Variants in SATB2 observed in about 807,000 individuals in gnomAD.
The protein encoded by SATB2 is SATB homeobox 2.
SATB2 carries 1 observed loss-of-function variant against 73.4 expected under a neutral mutation model. The observed-to-expected ratio is 0.01, with a 90% CI of 0.00 to 0.06. SATB2 has a LOEUF of 0.06. Among genes scored for constraint, SATB2 ranks in the 10% least tolerant of loss-of-function variants. The pLI is 1.00. For synonymous variants in SATB2, 397 were observed against 367.0 expected (o/e 1.08, Z -0.93); for missense variants, 459 against 945.8 (o/e 0.49, Z 6.75).
In SATB2 at chr2:199,271,881, G is replaced by A. The variant is rs1692168167; in HGVS notation, c.*330C>T. ...CTGGTACTTGCCTGATGTAACTTCC[G>A]TTAAGTGCAAGGATAATGAAGGCAG... On this transcript the variant is annotated 3_prime_UTR_variant, in exon 11 of 11. Transcript: ENST00000417098. 2.8e-6 allele frequency: 1 copy of A among 355,946 alleles called. No individual in the cohort carries two copies. The highest frequency in any genetic ancestry group is 2.1e-5 in the African/African-American group (1 of 47,970). The allele number at this position is 355,946 out of a possible 1,614,324, so 22.0% of individuals were successfully genotyped here. A position where few individuals can be genotyped will look rare whatever the true frequency, so the allele number is the denominator to read the frequency against.
upstream of SATB2, among the ~76,000 whole-genome samples, chr2:199,462,630 T>C (rs1393507528): frequency 6.6e-6 from 1 of 152,032 alleles, no homozygotes; most frequent in Non-Finnish European, 1.5e-5. This position sits in a 1 kb window ranked among gnomAD's most constrained non-coding sequence, Gnocchi z 5.9. Flanking sequence ...CAAAGATAAA[T>C]GACTCCTGGC....
intron 2 of SATB2, among the ~76,000 whole-genome samples, chr2:199,438,107 CAAATA>C (rs949469096): frequency 1.2e-4 from 18 of 151,652 alleles, no homozygotes; most frequent in Admixed American, 4.6e-4. Context: ...ATAACAAAAA[CAAATA>C]AAATAAAATT....
chr2:199,360,833 C>G lies in SATB2; in HGVS notation c.700+7772G>C, dbSNP rs192137653. Among the ~76,000 whole-genome samples, 584 of 152,224 alleles carry G rather than the reference C, an allele frequency of 3.8e-3. 2 individuals are homozygous for G. Among genetic ancestry groups the G allele is most frequent in the Non-Finnish European group, 6.0e-3 (411 of 68,004 alleles). On this transcript the variant is annotated intron_variant, in intron 6 of 10. Coordinates refer to ENST00000417098, the MANE Select transcript of SATB2 (RefSeq NM_001172509.2). ...CATAGGCTTCCCTGTTCTCACACTT[C>G]AGAGAGACAGCTCCCTCCAATGTCA...
rs528583117 is a variant in SATB2 at position 199,372,122 on chromosome 2, T to C, written c.598-3415A>G. On this transcript the variant is annotated intron_variant, in intron 5 of 10. Coordinates refer to ENST00000417098, the MANE Select transcript of SATB2 (RefSeq NM_001172509.2). ...AAAATGGTTAAAATGTCTTTCCAAC[T>C]ACAGAAACTTGAAAATTTCTGACTT... Among the ~76,000 whole-genome samples, 18 of 152,294 alleles carry C rather than the reference T, an allele frequency of 1.2e-4. No individual in the cohort carries two copies. In the South Asian group the frequency reaches 3.7e-3, roughly 32 times the overall value.
At chr2:199,468,442 G>A (rs1692634905), upstream of SATB2, among the ~76,000 whole-genome samples, 1 of 152,140 alleles carries the variant, frequency 6.6e-6, no homozygotes, top group Non-Finnish European at 1.5e-5. Context: ...TGGGAGCACC[G>A]CCTGGCAGGG....
chr2:199,430,076 C>T (rs1161539212), intron 3 of SATB2, among the ~76,000 whole-genome samples: 1 of 152,196 alleles, frequency 6.6e-6, no homozygotes, highest in Non-Finnish European at 1.5e-5. Context: ...ACCATTCACA[C>T]TGCCAATATG....
chr2:199,357,838 G>C lies in SATB2; in HGVS notation c.701-8665C>G, dbSNP rs552182202. Among the ~76,000 whole-genome samples the C allele has an allele frequency of 2.0e-5, 3 of 152,184 alleles. No homozygotes were observed. In the South Asian group the frequency reaches 6.2e-4, roughly 32 times the overall value. On this transcript the variant is annotated intron_variant, in intron 6 of 10. Transcript: ENST00000417098. ...GATGAAAGATATGAATCACACAGCAGAGAGCTTTCTCAGGTACCCTATAAA... is the reference window on the plus strand; with the variant it reads ...GATGAAAGATATGAATCACACAGCACAGAGCTTTCTCAGGTACCCTATAAA...
intron 10 of SATB2, among the ~76,000 whole-genome samples, chr2:199,307,414 G>A (rs1286105460): frequency 6.6e-6 from 1 of 152,154 alleles, no homozygotes; most frequent in African/African-American, 2.4e-5. Context: ...AAAAGAAGGT[G>A]CCCTGGTGGT....
At chr2:199,361,449 G>A (rs182708651) in intron 6 of SATB2, among the ~76,000 whole-genome samples, 117 of 151,672 alleles carry the variant, frequency 7.7e-4, no homozygotes, top group African/African-American at 2.6e-3. Context: ...TTCCATTTCC[G>A]TCAATTACTG....
intron 10 of SATB2, among the ~76,000 whole-genome samples, chr2:199,289,055 T>C (rs1414995241): frequency 1.3e-5 from 2 of 152,196 alleles, no homozygotes; most frequent in African/African-American, 2.4e-5. Context: ...AAAAATAATA[T>C]GGAAAAATTA....
intron 10 of SATB2, among the ~76,000 whole-genome samples, chr2:199,281,000 C>T (rs941607350): frequency 6.6e-6 from 1 of 152,098 alleles, no homozygotes; most frequent in South Asian, 2.1e-4. Context: ...TGTGATGTCT[C>T]CCCCAGACAC....
chr2:199,417,491 T>G (rs1228691236), intron 3 of SATB2, among the ~76,000 whole-genome samples: 1 of 152,202 alleles, frequency 6.6e-6, no homozygotes, highest in Non-Finnish European at 1.5e-5. Context: ...ATCATCTGTC[T>G]TCTCAACACG....
intron 10 of SATB2, among the ~76,000 whole-genome samples, chr2:199,282,980 ATT>A (rs1692571744): frequency 1.3e-5 from 2 of 152,206 alleles, no homozygotes; most frequent in African/African-American, 4.8e-5. Context: ...TTAGGAAGAC[ATT>A]CTTTATCAAT....
At chr2:199,322,546 G>A (rs1687920005) in intron 9 of SATB2, among the ~76,000 whole-genome samples, 1 of 152,146 alleles carries the variant, frequency 6.6e-6, no homozygotes, top group Non-Finnish European at 1.5e-5. Flanking sequence ...ATTGAAGAGA[G>A]AAAGTCAGAG....
chr2:199,454,210 A>G (rs1344961701), intron 2 of SATB2, among the ~76,000 whole-genome samples: 1 of 152,108 alleles, frequency 6.6e-6, no homozygotes, highest in African/African-American at 2.4e-5. Context: ...GCACGTTGTT[A>G]ACAATTACAT....
At chr2:199,325,052 A>T (rs770383221) in intron 8 of SATB2, among the ~76,000 whole-genome samples, 1 of 152,156 alleles carries the variant, frequency 6.6e-6, no homozygotes, top group Non-Finnish European at 1.5e-5. Context: ...GGACTCTGTG[A>T]CAAATGGTGT....
Position 199,381,718 on chromosome 2 carries a change from A to G in SATB2, c.449T>C (p.Val150Ala). ...CCTTTGTAATTGGATTTTCAACGTC[A>G]CAACATGATAGACATCTTGTAGCAT... Reference protein sequence around the residue: ...ADMLQDVYHVVTLKIQLQSCS... With the variant: ...ADMLQDVYHVATLKIQLQSCS... The change falls in exon 4 of 11, where the codon GTG (valine) becomes GCG (alanine). Residue 150 changes from valine (V) to alanine (A), a missense_variant. Physicochemically the swap from Val to Ala is moderately conservative, Grantham distance 64. Around this residue, in one of 13 missense-constraint regions of SATB2, gnomAD observed 56 missense variants for 183.7 expected, o/e 0.30. Transcript: ENST00000417098. The G allele has an allele frequency of 1.9e-6, 3 of 1,614,140 alleles. No homozygotes were observed. In the East Asian group the frequency reaches 6.7e-5, roughly 36 times the overall value.
chr2:199,333,864 T>G (rs1464987600), intron 7 of SATB2, among the ~76,000 whole-genome samples: 3 of 152,098 alleles, frequency 2.0e-5, no homozygotes, highest in Non-Finnish European at 4.4e-5. Flanking sequence ...TTTTTTAAAG[T>G]GATATACACC....
intron 9 of SATB2, among the ~76,000 whole-genome samples, chr2:199,314,891 C>T (rs532844462): frequency 6.6e-6 from 1 of 152,152 alleles, no homozygotes; most frequent in Non-Finnish European, 1.5e-5. Flanking sequence ...ATCTCTTTCC[C>T]CCACCTTCTT....
Sources: gnomAD v4.1 joint callset for allele counts (sites outside exome capture counted in the v4.1 genomes callset) on GRCh38, gnomAD v4.1.1 for gene constraint, gnomAD v4.1.1 regional missense constraint, Gnocchi (gnomAD v3.1) non-coding constraint, MANE v1.5 for transcripts, NCBI Gene and HGNC (gene_info 2026-07-23, HGNC 2026-07-21) for gene names.